PSMG1: variants seen among roughly 807,000 people sequenced by gnomAD.
PSMG1 encodes Down syndrome critical region gene 2.
PSMG1 carries 23 observed loss-of-function variants against 37.2 expected under a neutral mutation model. The ratio of observed to expected loss-of-function variants is 0.62; its 90% confidence interval spans 0.44 to 0.88. PSMG1 has a LOEUF of 0.88. Ranked by LOEUF, PSMG1 falls within the 40% of genes least tolerant of loss-of-function variation. The probability of loss-of-function intolerance (pLI) is 0.00; values close to 1 mark genes in which losing one functional copy is unlikely to be tolerated. For synonymous variants in PSMG1, 127 were observed against 128.0 expected, an observed-to-expected ratio of 0.99 and a Z score of 0.05; for missense variants, 340 against 344.2, an observed-to-expected ratio of 0.99 and a Z score of 0.10.
At chr21:39,177,124 A>T (rs1038337086) in intron 6 of PSMG1, among the ~76,000 whole-genome samples, 7 of 152,238 alleles carry the variant, frequency 4.6e-5, no homozygotes, top group African/African-American at 7.2e-5. Flanking sequence ...TTAAATAAAA[A>T]TTTTTTAAAA....
rs1219681663 is a variant in PSMG1 at position 39,179,938 on chromosome 21, G to A, written c.442C>T (p.Gln148Ter). ...SCYVAEDQQY[Q>*]WLEKVFGSCP... ...TTCTCTCTTACCTTTTCCAGCCACT[G>A]ATACTGTTGATCTTCTGCAACATAG... The change falls in exon 4 of 7, where the codon CAG becomes TAG. Residue 148 changes from glutamine (Q) to a stop codon, truncating the protein, a stop_gained. Coordinates refer to ENST00000331573, the MANE Select transcript of PSMG1 (RefSeq NM_003720.4). LOFTEE classifies it high-confidence loss of function. The A allele has an allele frequency of 6.2e-7, 1 of 1,612,950 alleles. No homozygotes were observed. Among genetic ancestry groups the A allele is most frequent in the Non-Finnish European group, 8.5e-7 (1 of 1,179,930 alleles).
chr21:39,183,213 A>G, intron 1 of PSMG1, 39 bp downstream of exon 1: 1 of 1,528,960 alleles, frequency 6.5e-7, no homozygotes, highest in Non-Finnish European at 8.8e-7. Context: ...CGCACCTTCC[A>G]GCTGCGGTGA....
At position 39,175,424 on chromosome 21, in the gene PSMG1, T is replaced by C; in HGVS notation, c.*166A>G. 1 of 1,108,124 alleles carries C rather than the reference T, an allele frequency of 9.0e-7. No individual in the cohort carries two copies. The allele number at this position is 1,108,124 out of a possible 1,614,324, so 68.6% of individuals were successfully genotyped here. ...ATGCTTGGCTTATTTTGGTTGTGAA[T>C]AATACCACCATAAATAAGGAATTAA... is the stretch of plus-strand genomic sequence containing the variant. On this transcript the variant is annotated 3_prime_UTR_variant, in exon 7 of 7. Transcript: ENST00000331573.
chr21:39,178,496 C>T lies in PSMG1; in HGVS notation c.608G>A (p.Cys203Tyr), dbSNP rs769653352. 2.5e-6 allele frequency: 4 copies of T among 1,614,068 alleles called. No individual in the cohort carries two copies. The Admixed American group carries it at 6.7e-5, about 27-fold the overall frequency. ...TATATTCGGTTGTTCTAGCAATGGA[C>T]AACACGCCGAGTCTTTGAAATTCTG... ...KTQNFKDSAC[C>Y]PLLEQPNIVH... The change falls in exon 5 of 7, where the codon TGT (cysteine) becomes TAT (tyrosine). Residue 203 changes from cysteine (C) to tyrosine (Y), a missense_variant. Cys to Tyr is a radical substitution (Grantham distance 194, BLOSUM62 -2). Transcript: ENST00000331573.
At chr21:39,178,057 T>A (rs8130795) in intron 5 of PSMG1, among the ~76,000 whole-genome samples, 57,641 of 151,986 alleles carry the variant, frequency 0.38, 11,208 homozygotes, top group East Asian at 0.46. Context: ...GGCAGATGTG[T>A]GTGATGGTAA....
At position 39,175,564 on chromosome 21, in the gene PSMG1, T is replaced by C. The variant is rs769239406; in HGVS notation, c.*26A>G. The C allele has an allele frequency of 1.3e-6, 2 of 1,582,502 alleles. No individual in the cohort carries two copies. Among genetic ancestry groups the C allele is most frequent in the Non-Finnish European group, 1.7e-6 (2 of 1,152,940 alleles). On this transcript the variant is annotated 3_prime_UTR_variant, in exon 7 of 7. Transcript: ENST00000331573. ...TCCCCTTAAAGGAATGGACAAGTAATATACACTACAAAACAATGTTTAAGA... is the reference window on the plus strand; with the variant it reads ...TCCCCTTAAAGGAATGGACAAGTAACATACACTACAAAACAATGTTTAAGA...
rs1235756128 is a variant in PSMG1, at chr21:39,175,523, A to G, written c.*67T>C. On this transcript the variant is annotated 3_prime_UTR_variant, in exon 7 of 7. Coordinates refer to ENST00000331573, the MANE Select transcript of PSMG1 (RefSeq NM_003720.4). The stretch of plus-strand genomic sequence containing the variant: ...ATATATCCCCCAAAAGTAATCTACA[A>G]AAGAGTGCAGGCTGCTCCCCTTAAA... The G allele has an allele frequency of 4.0e-6, 6 of 1,489,610 alleles. No individual in the cohort carries two copies. Among genetic ancestry groups the G allele is most frequent in the African/African-American group, 2.9e-5 (2 of 70,040 alleles). The allele number at this position is 1,489,610 out of a possible 1,614,324, so 92.3% of individuals were successfully genotyped here.
At chr21:39,175,784 C>G (rs181520590) in intron 6 of PSMG1, 120 bp from the exon 7 acceptor site, 1 of 680,490 alleles carries the variant, frequency 1.5e-6, no homozygotes, top group African/African-American at 1.8e-5. Flanking sequence ...ATGGGACAGG[C>G]GTGGCCTTTA....
At chr21:39,177,701 A>G in intron 5 of PSMG1, 130 bp from the exon 6 acceptor site, 3 of 626,642 alleles carry the variant, frequency 4.8e-6, no homozygotes, top group Non-Finnish European at 7.0e-6. Flanking sequence ...CAAGGTATTT[A>G]CTGCAATTTT....
chr21:39,176,996 G>C (rs2030647816), intron 6 of PSMG1, among the ~76,000 whole-genome samples: 1 of 152,174 alleles, frequency 6.6e-6, no homozygotes. Flanking sequence ...CCAAGGGTAA[G>C]GAAGAGGTTC....
At chr21:39,179,791 C>G (rs2030757372) in intron 4 of PSMG1, 133 bp downstream of exon 4, 2 of 815,508 alleles carry the variant, frequency 2.5e-6, no homozygotes, top group Non-Finnish European at 3.7e-6. Context: ...TCTTTATATT[C>G]CAAAAGAAAT....
chr21:39,178,146 T>C (rs1433229211), intron 5 of PSMG1, among the ~76,000 whole-genome samples: 1 of 152,214 alleles, frequency 6.6e-6, no homozygotes, highest in Non-Finnish European at 1.5e-5. Context: ...TATCAACTTT[T>C]GATGCACCAA....
chr21:39,180,527 T>G (rs2030791810), intron 2 of PSMG1, 91 bp from the exon 3 acceptor site: 1 of 1,346,952 alleles, frequency 7.4e-7, no homozygotes, highest in Admixed American at 2.6e-5. Flanking sequence ...CTGTAGAATT[T>G]GAGAGCTGAA....
At position 39,183,406 on chromosome 21, in the gene PSMG1, G is replaced by A. The variant is rs750718832; in HGVS notation, c.-21C>T. On this transcript the variant is annotated 5_prime_UTR_variant, in exon 1 of 7. Coordinates refer to ENST00000331573, the MANE Select transcript of PSMG1 (RefSeq NM_003720.4). ...GCCATAGCCGCCCCGTGACCGGCTG[G>A]ACACAACTGCAGCGCCGCGGGACCG... 5.1e-6 allele frequency: 8 copies of A among 1,571,622 alleles called. No individual in the cohort carries two copies. The East Asian group carries it at 1.4e-4, about 28-fold the overall frequency.
At position 39,177,435 on chromosome 21, in the gene PSMG1, C is replaced by T; in HGVS notation, c.792G>A (p.Lys264=). Residue 264 remains lysine (K), a splice_region_variant and synonymous_variant, in exon 6 of 7, where the codon AAG becomes AAA. Transcript: ENST00000331573. ...TAATTTAAATGAGTTAAAACCTTAC[C>T]TTAACCAAACCCTTCAAGCTTCTGG... ...LSTRSLKGLV[K]NIPQSTEILK... 6.3e-7 allele frequency: 1 copy of T among 1,583,226 alleles called. No individual in the cohort carries two copies. Among genetic ancestry groups the T allele is most frequent in the Non-Finnish European group, 8.5e-7 (1 of 1,169,794 alleles).
At chr21:39,178,782 A>C (rs1185579769) in intron 4 of PSMG1, 135 bp from the exon 5 acceptor site, 2 of 832,894 alleles carry the variant, frequency 2.4e-6, no homozygotes, top group Non-Finnish European at 1.8e-6. Context: ...CCTTGGAGAA[A>C]CAGAACACAC....
At position 39,183,241 on chromosome 21, in the gene PSMG1, C is replaced by G. The variant is rs374377130; in HGVS notation, c.134+11G>C. On this transcript the variant is annotated intron_variant, in intron 1 of 6. Coordinates refer to ENST00000331573, the MANE Select transcript of PSMG1 (RefSeq NM_003720.4). Reference sequence around the variant, plus strand: ...TGCGGTGAGCGCGCTGCCCTTATCCCGGTGCCTCACCTCTTCCGCGCCAGC... The same window carrying G: ...TGCGGTGAGCGCGCTGCCCTTATCCGGGTGCCTCACCTCTTCCGCGCCAGC... The G allele has an allele frequency of 2.5e-6, 4 of 1,574,450 alleles. No homozygotes were observed. The East Asian group carries it at 9.7e-5, about 38-fold the overall frequency.
chr21:39,182,785 G>A (rs1322878246), intron 1 of PSMG1, among the ~76,000 whole-genome samples: 1 of 152,146 alleles, frequency 6.6e-6, no homozygotes, highest in African/African-American at 2.4e-5. Context: ...GACACATCAT[G>A]CTAATTGAAG....
At chr21:39,179,138 T>C (rs945771873) in intron 4 of PSMG1, among the ~76,000 whole-genome samples, 5 of 152,124 alleles carry the variant, frequency 3.3e-5, no homozygotes, top group Admixed American at 6.5e-5. Flanking sequence ...CCTTCCACCA[T>C]GATTGGAGGC....
Sources: allele counts gnomAD v4.1 joint callset (sites outside exome capture counted in the v4.1 genomes callset), GRCh38; gene constraint gnomAD v4.1.1; transcripts MANE v1.5; gene names NCBI Gene and HGNC (gene_info 2026-07-23, HGNC 2026-07-21).